The following PEG3 variants were observed in gnomAD, a reference collection of about 807,000 sequenced individuals.
The protein encoded by PEG3 is paternally-expressed gene 3 protein.
In PEG3, 23 loss-of-function variants were observed where a neutral mutation model predicts 35.5. That is an observed-to-expected ratio of 0.65 (90% CI 0.47 to 0.92). PEG3 has a LOEUF of 0.92. Among genes scored for constraint, PEG3 ranks in the 40% least tolerant of loss-of-function variants. PEG3 has a pLI of 0.00. For missense variants in PEG3, 1,960 were observed against 1,985.3 expected (o/e 0.99, Z 0.24); for synonymous variants, 707 against 697.0 (o/e 1.01, Z -0.23).
chr19:56,816,715 G>C lies in PEG3; in HGVS notation c.1727C>G (p.Ser576Cys), dbSNP rs2060015301. Residue 576 changes from serine (S) to cysteine (C), a missense_variant, in exon 10 of 10, where the codon TCT becomes TGT. Physicochemically the swap from Ser to Cys is moderately radical, Grantham distance 112 (BLOSUM62 -1). Transcript: ENST00000326441. ...GATTTTCTGGTGCTCAATCAGGGCA[G>C]AACTATGAAGGAAGGTTTCCTTACA... ...RVCKETFLHSSALIEHQKIHF... is the reference protein window; with the variant it reads ...RVCKETFLHSCALIEHQKIHF... The C allele has an allele frequency of 1.9e-6, 3 of 1,613,938 alleles. No individual in the cohort carries two copies. In the African/African-American group the frequency reaches 4.0e-5, roughly 22 times the overall value.
At chr19:56,838,514 ACTAAG>A (rs202072091) in intron 1 of PEG3, among the ~76,000 whole-genome samples, 213 of 152,034 alleles carry the variant, frequency 1.4e-3, no homozygotes, top group African/African-American at 4.8e-3. Flanking sequence ...CAGCTCCCCC[ACTAAG>A]CCGCCCCCAT....
At position 56,815,745 on chromosome 19, in the gene PEG3, T is replaced by A; in HGVS notation, c.2697A>T (p.Val899=). The part of the protein sequence containing the change: ...RNYEDSVIQS[V]FRAKPQKSVP... Reference sequence around the variant, plus strand: ...CACTTTTCTGAGGTTTGGCACGGAATACACTCTGTATGACAGAGTCTTCAT... The same window carrying A: ...CACTTTTCTGAGGTTTGGCACGGAAAACACTCTGTATGACAGAGTCTTCAT... The change falls in exon 10 of 10, where the codon GTA becomes GTT. Residue 899 remains valine (V), a synonymous_variant. Coordinates refer to ENST00000326441, the MANE Select transcript of PEG3 (RefSeq NM_006210.3). 6.2e-7 allele frequency: 1 copy of A among 1,614,210 alleles called. No homozygotes were observed. The highest frequency in any genetic ancestry group is 8.5e-7 in the Non-Finnish European group (1 of 1,180,026).
intron 7 of PEG3, among the ~76,000 whole-genome samples, chr19:56,819,857 A>C (rs1306509006): frequency 6.6e-6 from 1 of 152,168 alleles, no homozygotes; most frequent in African/African-American, 2.4e-5. Flanking sequence ...AAATGTAGCA[A>C]AAAAAAGAGG....
rs1355744953 is a variant in PEG3 at position 56,812,829 on chromosome 19, A to AC, written c.*845_*846insG. 2 of 985,162 alleles carry AC rather than the reference A, an allele frequency of 2.0e-6. No individual in the cohort carries two copies. The highest frequency in any genetic ancestry group is 3.5e-5 in the African/African-American group (2 of 57,082). The allele number at this position is 985,162 out of a possible 1,614,324, so 61.0% of individuals were successfully genotyped here. A position where few individuals can be genotyped will look rare whatever the true frequency, so the allele number is the denominator to read the frequency against. ...CATATTGAGTTGGTTAAAAAAAAAA[A>AC]AAACCCAGAACACAAATGTGTAATA... On this transcript the variant is annotated 3_prime_UTR_variant, in exon 10 of 10. Coordinates refer to ENST00000326441, the MANE Select transcript of PEG3 (RefSeq NM_006210.3).
In PEG3 at chr19:56,830,660, A is replaced by G. The variant is rs116265942; in HGVS notation, c.-162-4197T>C. On this transcript the variant is annotated intron_variant, in intron 2 of 9. Coordinates refer to ENST00000326441, the MANE Select transcript of PEG3 (RefSeq NM_006210.3). ...TTTTGAACTACAAAACCTTATGAGTAAATACAGCAAGAGAAATAATTCCCA... is the reference window on the plus strand; with the variant it reads ...TTTTGAACTACAAAACCTTATGAGTGAATACAGCAAGAGAAATAATTCCCA... 6.4e-3 allele frequency among the ~76,000 whole-genome samples: 982 copies of G among 152,362 alleles called. 10 individuals carry two copies. The highest frequency in any genetic ancestry group is 0.023 in the African/African-American group (937 of 41,586).
At chr19:56,822,484 C>T (rs1212670557) in intron 6 of PEG3, 4 of 372,280 alleles carry the variant, frequency 1.1e-5, no homozygotes, top group Non-Finnish European at 1.8e-5. Flanking sequence ...GTCTTTCATA[C>T]AGAAACTTCC....
At position 56,816,630 on chromosome 19, in the gene PEG3, GCGCTCACGTTCA is replaced by G; in HGVS notation, c.1800_1811del (p.Glu601_Arg604del). The G allele has an allele frequency of 6.2e-7, 1 of 1,612,064 alleles. No homozygotes were observed. On this transcript the variant is annotated inframe_deletion, in exon 10 of 10. Coordinates refer to ENST00000326441, the MANE Select transcript of PEG3 (RefSeq NM_006210.3). ...CTGGGCTGGGCCTAAAGGTTTCCCCGCGCTCACGTTCACGTTCACGTTCATGTTCACGCTCAT... is the reference window on the plus strand; with the variant it reads ...CTGGGCTGGGCCTAAAGGTTTCCCCGCGTTCACGTTCATGTTCACGCTCAT...
In PEG3 at chr19:56,813,951, C is replaced by A; in HGVS notation, c.4491G>T (p.Glu1497Asp). 6.2e-7 allele frequency: 1 copy of A among 1,614,158 alleles called. No individual in the cohort carries two copies. Among genetic ancestry groups the A allele is most frequent in the Middle Eastern group, 1.6e-4 (1 of 6,062 alleles). ...CATAGTATGGTTCTTCTACCTGAAT[C>A]TCTTGATCTTCACCTTCTTCTGGGT... is the stretch of plus-strand genomic sequence containing the variant. ...IEDPEEGEDQ[E>D]IQVEEPYYDC... is the part of the protein sequence containing the mutation. Residue 1497 changes from glutamate (E) to aspartate (D), a missense_variant, in exon 10 of 10, where the codon GAG (glutamate) becomes GAT (aspartate). Around this residue, in one of 5 missense-constraint regions of PEG3, gnomAD observed 416 missense variants for 416.7 expected, o/e 1.00. Transcript: ENST00000326441.
In PEG3 at chr19:56,816,571, T is replaced by C. The variant is rs36016896; in HGVS notation, c.1871A>G (p.Glu624Gly). The stretch of plus-strand genomic sequence containing the variant: ...ACACACCTTACATTCGTACATTTTC[T>C]CTTTACCATACATTTTCTGAAACTC... ...LNEFQKMYGK[E>G]KMYECKVCGE... The change falls in exon 10 of 10, where the codon GAG becomes GGG. Residue 624 changes from glutamate (E) to glycine (G), a missense_variant. Physicochemically the swap from Glu to Gly is moderately conservative, Grantham distance 98. Coordinates refer to ENST00000326441, the MANE Select transcript of PEG3 (RefSeq NM_006210.3). The C allele has an allele frequency of 2.4e-3, 3,824 of 1,614,050 alleles. 87 individuals are homozygous for C. The African/African-American group carries it at 0.046, about 19-fold the overall frequency.
rs750390670 is a variant in PEG3 at position 56,816,598 on chromosome 19, T to C, written c.1844A>G (p.Asn615Ser). Residue 615 changes from asparagine (N) to serine (S), a missense_variant, in exon 10 of 10, where the codon AAT becomes AGT. By Grantham distance (46) the Asn-to-Ser change is conservative. Transcript: ENST00000326441. ...GETFRPSPAL[N>S]EFQKMYGKEK... ...TTTACCATACATTTTCTGAAACTCA[T>C]TAAGGGCTGGGCTGGGCCTAAAGGT... 17 of 1,613,874 alleles carry C rather than the reference T, an allele frequency of 1.1e-5. 1 individual carries two copies. In the South Asian group the frequency reaches 1.4e-4, roughly 14 times the overall value.
rs2048079633 is a variant in PEG3, at chr19:56,810,714, C to T, written c.*2961G>A. 1 of 983,864 alleles carries T rather than the reference C, an allele frequency of 1.0e-6. No individual in the cohort carries two copies. Among genetic ancestry groups the T allele is most frequent in the South Asian group, 4.7e-5 (1 of 21,252 alleles). The allele number at this position is 983,864 out of a possible 1,614,324, so 60.9% of individuals were successfully genotyped here. A position where few individuals can be genotyped will look rare whatever the true frequency, so the allele number is the denominator to read the frequency against. On this transcript the variant is annotated 3_prime_UTR_variant, in exon 10 of 10. Coordinates refer to ENST00000326441, the MANE Select transcript of PEG3 (RefSeq NM_006210.3). ...ATTTTCCACATCTTTTCATTTAAGA[C>T]TTTATGCACACATATTTAACACTGT...
intron 7 of PEG3, among the ~76,000 whole-genome samples, chr19:56,820,156 G>A (rs1341413374): frequency 2.6e-5 from 4 of 152,232 alleles, no homozygotes; most frequent in Admixed American, 6.5e-5. Context: ...CTGCAATCAA[G>A]TTCAATGGAA....
chr19:56,822,946 G>C, intron 5 of PEG3, 110 bp from the exon 6 acceptor site: 1 of 1,419,216 alleles, frequency 7.0e-7, no homozygotes, highest in South Asian at 1.3e-5. Flanking sequence ...TTCCCACAAG[G>C]AGATGGATCC....
chr19:56,812,785 A>G lies in PEG3; in HGVS notation c.*890T>C. ...ACAGGGAAAAGCTTCGGGTTTTATCAATTCACTATCATCAAACACATATTG... is the reference window on the plus strand; with the variant it reads ...ACAGGGAAAAGCTTCGGGTTTTATCGATTCACTATCATCAAACACATATTG... On this transcript the variant is annotated 3_prime_UTR_variant, in exon 10 of 10. Transcript: ENST00000326441. The G allele has an allele frequency of 1.0e-6, 1 of 983,656 alleles. No individual in the cohort carries two copies. The highest frequency in any genetic ancestry group is 1.2e-6 in the Non-Finnish European group (1 of 828,566). 60.9% of individuals were successfully genotyped at this position (983,656 alleles called of 1,614,324 possible).
At position 56,812,257 on chromosome 19, in the gene PEG3, G is replaced by A. The variant is rs1055250242; in HGVS notation, c.*1418C>T. ...CAGAATAGGACACAAGAAACCTCAA[G>A]CTGTGAGGTCAATTTGTAATTAAAA... On this transcript the variant is annotated 3_prime_UTR_variant, in exon 10 of 10. Coordinates refer to ENST00000326441, the MANE Select transcript of PEG3 (RefSeq NM_006210.3). 6 of 971,926 alleles carry A rather than the reference G, an allele frequency of 6.2e-6. No homozygotes were observed. The East Asian group carries it at 6.9e-4, about 111-fold the overall frequency. 60.2% of individuals were successfully genotyped at this position (971,926 alleles called of 1,614,324 possible). A position where few individuals can be genotyped will look rare whatever the true frequency, so the allele number is the denominator to read the frequency against.
Position 56,823,677 on chromosome 19 carries a change from C to T in PEG3, c.397G>A (p.Asp133Asn), listed in dbSNP as rs765962814. Residue 133 changes from aspartate (D) to asparagine (N), a missense_variant and splice_region_variant, in exon 5 of 10, where the codon GAC becomes AAC. Physicochemically the swap from Asp to Asn is conservative, Grantham distance 23 (BLOSUM62 1). Transcript: ENST00000326441. ...TCGCTGGTCACGTCACTGTTGTTGT[C>T]GTCTAAGAGGACACCGGTCGCCAAG... ...NYKEMYQPED[D>N]NNSDVTSDDD... The T allele has an allele frequency of 5.2e-5, 84 of 1,614,090 alleles. No homozygotes were observed. Among genetic ancestry groups the T allele is most frequent in the Non-Finnish European group, 6.6e-5 (78 of 1,179,988 alleles).
At chr19:56,817,875 T>G in intron 8 of PEG3, 40 bp from the exon 9 acceptor site, 1 of 1,531,516 alleles carries the variant, frequency 6.5e-7, no homozygotes, top group Non-Finnish European at 9.0e-7. Flanking sequence ...CAAATTCAAG[T>G]TGAGGACCAA....
intron 2 of PEG3, among the ~76,000 whole-genome samples, chr19:56,834,159 A>AT (rs1017177532): frequency 2.0e-5 from 3 of 152,122 alleles, no homozygotes; most frequent in Non-Finnish European, 2.9e-5. Flanking sequence ...GGCTCATCTG[A>AT]TTTTTTTAAG....
intron 7 of PEG3, among the ~76,000 whole-genome samples, chr19:56,820,456 C>T (rs542521499): frequency 7.2e-5 from 11 of 152,298 alleles, no homozygotes; most frequent in African/African-American, 2.4e-4. Flanking sequence ...CAAGACAAAG[C>T]CCAACTACCA....
Sources: allele counts gnomAD v4.1 joint callset (sites outside exome capture counted in the v4.1 genomes callset), GRCh38; gene constraint gnomAD v4.1.1; regional missense constraint gnomAD v4.1.1; transcripts MANE v1.5; gene names NCBI Gene and HGNC (gene_info 2026-07-23, HGNC 2026-07-21).